Variants in PBRM1 observed in about 807,000 individuals in gnomAD.
PBRM1 encodes the protein polybromo 1, also known as protein polybromo-1.
A neutral mutation model predicts 194.5 loss-of-function variants in PBRM1; 27 were observed. The observed-to-expected ratio is 0.14, with a 90% CI of 0.10 to 0.19. The LOEUF is 0.19. Among genes scored for constraint, PBRM1 ranks in the 10% least tolerant of loss-of-function variants. The probability of loss-of-function intolerance (pLI) is 1.00; values close to 1 mark genes in which losing one functional copy is unlikely to be tolerated. For missense variants in PBRM1, 1,466 were observed against 2,077.2 expected (o/e 0.71, Z 5.72); for synonymous variants, 655 against 693.2 (o/e 0.94, Z 0.87).
intron 22 of PBRM1, among the ~76,000 whole-genome samples, chr3:52,569,884 G>C (rs1004324778): frequency 6.6e-6 from 1 of 152,006 alleles, no homozygotes; most frequent in South Asian, 2.1e-4. Flanking sequence ...TCTTATTTTA[G>C]ACTTCTGTTT....
At chr3:52,576,792 T>C (rs1229988297) in intron 21 of PBRM1, 94 bp from the exon 24 acceptor site, 1 of 886,014 alleles carries the variant, frequency 1.1e-6, no homozygotes, top group African/African-American at 1.7e-5. Flanking sequence ...CTTAGTAATG[T>C]GTACCATTCA....
chr3:52,638,032 T>A (rs948022909), intron 10 of PBRM1, among the ~76,000 whole-genome samples: 3 of 152,152 alleles, frequency 2.0e-5, no homozygotes, highest in Admixed American at 6.6e-5. Flanking sequence ...TTATCTTGAA[T>A]GGGAACTGAA....
intron 27 of PBRM1, among the ~76,000 whole-genome samples, chr3:52,551,217 G>GT (rs2080906158): frequency 6.6e-6 from 1 of 152,234 alleles, no homozygotes; most frequent in Admixed American, 6.5e-5. Flanking sequence ...AGGCTCAGCA[G>GT]TAAGCAATGT....
At chr3:52,611,058 TACAA>T (rs1341194221) in intron 15 of PBRM1, among the ~76,000 whole-genome samples, 1 of 152,202 alleles carries the variant, frequency 6.6e-6, no homozygotes, top group Non-Finnish European at 1.5e-5. Context: ...TAATAATACG[TACAA>T]ACAAACAACA....
intron 26 of PBRM1, 124 bp from the exon 29 acceptor site, chr3:52,555,003 G>A: frequency 1.5e-6 from 1 of 655,192 alleles, no homozygotes; most frequent in Admixed American, 3.8e-5. Context: ...TGATATAACA[G>A]CAATTAGTGC....
At chr3:52,678,450 G>T in intron 2 of PBRM1, 50 bp downstream of exon 3, 1 of 1,195,092 alleles carries the variant, frequency 8.4e-7, no homozygotes, top group Non-Finnish European at 1.3e-6. Flanking sequence ...TAATACACAT[G>T]GACTCTGGAC....
intron 17 of PBRM1, among the ~76,000 whole-genome samples, chr3:52,596,766 G>A (rs974181294): frequency 6.6e-6 from 1 of 151,926 alleles, no homozygotes; most frequent in Non-Finnish European, 1.5e-5. Context: ...TCAAGTGGAG[G>A]AAGATGACTT....
At chr3:52,577,609 G>C (rs1045115528) in intron 21 of PBRM1, among the ~76,000 whole-genome samples, 2 of 151,976 alleles carry the variant, frequency 1.3e-5, no homozygotes, top group African/African-American at 2.4e-5. Flanking sequence ...CAACCTTCCT[G>C]TTCCTCAGGC....
At chr3:52,586,535 G>A (rs766031717) in exon 20 of PBRM1, 1 of 1,613,826 alleles carries the variant, frequency 6.2e-7, no homozygotes, top group African/African-American at 1.3e-5. Context: ...CGAACCACAG[G>A]CAGAGGCACA....
At chr3:52,636,264 T>C (rs146472126) in intron 10 of PBRM1, among the ~76,000 whole-genome samples, 3,653 of 152,282 alleles carry the variant, frequency 0.024, 59 homozygotes, top group Middle Eastern at 0.085. Flanking sequence ...ATTCCCTTGC[T>C]GAGGGAATTT....
At chr3:52,588,018 A>C (rs2092623327) in intron 18 of PBRM1, among the ~76,000 whole-genome samples, 3 of 151,260 alleles carry the variant, frequency 2.0e-5, no homozygotes, top group African/African-American at 7.3e-5. Context: ...TTTCTAGAGA[A>C]GGGGTCTTGC....
chr3:52,684,458 T>C (rs1268512644), upstream of PBRM1, among the ~76,000 whole-genome samples: 1 of 152,140 alleles, frequency 6.6e-6, no homozygotes, highest in East Asian at 1.9e-4. Context: ...AGCAATACAA[T>C]ACATGTTTAA....
intron 8 of PBRM1, among the ~76,000 whole-genome samples, 195 bp from the exon 10 acceptor site, chr3:52,643,538 G>A (rs1482503311): frequency 6.6e-6 from 1 of 152,202 alleles, no homozygotes; most frequent in Non-Finnish European, 1.5e-5. Context: ...GCTGGTCCTA[G>A]AGAGCTTTTG....
At chr3:52,563,200 T>C in intron 24 of PBRM1, 83 bp downstream of exon 26, 1 of 927,616 alleles carries the variant, frequency 1.1e-6, no homozygotes, top group Non-Finnish European at 1.7e-6. Context: ...ATGGAGGGGC[T>C]GGATGTCACT....
chr3:52,675,697 A>T (rs1163280690), intron 2 of PBRM1, among the ~76,000 whole-genome samples: 1 of 152,212 alleles, frequency 6.6e-6, no homozygotes, highest in African/African-American at 2.4e-5. Flanking sequence ...AATAGAATGG[A>T]GCCTAGAAAC....
intron 22 of PBRM1, among the ~76,000 whole-genome samples, chr3:52,567,949 G>A (rs767103893): frequency 2.6e-5 from 4 of 151,062 alleles, no homozygotes; most frequent in East Asian, 2.0e-4. Context: ...GTGCCCAGCC[G>A]GGTATATTTT....
chr3:52,548,219 G>C (rs1455859938), exon 30 of PBRM1: 2 of 1,577,408 alleles, frequency 1.3e-6, no homozygotes, highest in African/African-American at 1.4e-5. Flanking sequence ...TCGACAAATG[G>C]ACGTCGCGTC....
At chr3:52,577,093 C>T (rs922997393) in intron 21 of PBRM1, among the ~76,000 whole-genome samples, 2 of 152,164 alleles carry the variant, frequency 1.3e-5, no homozygotes, top group Admixed American at 6.5e-5. Context: ...GAGTGGCAGA[C>T]ATTCCTTTAA....
intron 9 of PBRM1, 117 bp downstream of exon 10, chr3:52,643,131 C>G (rs538718271): frequency 1.3e-6 from 1 of 762,272 alleles, no homozygotes; most frequent in Non-Finnish European, 2.3e-6. Flanking sequence ...AACAGATTCT[C>G]ATTAACAACC....
Sources: allele counts gnomAD v4.1 joint callset (sites outside exome capture counted in the v4.1 genomes callset), GRCh38; gene constraint gnomAD v4.1.1; transcripts MANE v1.5; gene names NCBI Gene and HGNC (gene_info 2026-07-23, HGNC 2026-07-21).